The following VOPP1 variants were observed in gnomAD, a reference collection of about 807,000 sequenced individuals.
The protein encoded by VOPP1 is WW domain binding protein VOPP1.
Under a neutral mutation model 23.5 loss-of-function variants are expected in VOPP1, and 8 were observed. The observed-to-expected ratio is 0.34, with a 90% CI of 0.20 to 0.61. The LOEUF (loss-of-function observed/expected upper bound fraction) is 0.61, where lower values mean the gene tolerates loss of function less well. Ranked by LOEUF, VOPP1 falls within the 20% of genes least tolerant of loss-of-function variation. The pLI is 0.78. For synonymous variants in VOPP1, 83 were observed against 97.3 expected (o/e 0.85, Z 0.86); for missense variants, 174 against 238.1 (o/e 0.73, Z 1.77).
At chr7:55,505,166 T>C (rs2129030630) in intron 2 of VOPP1, among the ~76,000 whole-genome samples, 1 of 152,314 alleles carries the variant, frequency 6.6e-6, no homozygotes, top group South Asian at 2.1e-4. Flanking sequence ...GACCCAGGAC[T>C]GCTGAAGGCC....
intron 2 of VOPP1, 109 bp from the exon 3 acceptor site, chr7:55,497,799 G>C: frequency 1.1e-6 from 1 of 921,650 alleles, no homozygotes; most frequent in East Asian, 2.5e-5. Flanking sequence ...GAAGAAATCA[G>C]TAAGAGCAAA....
chr7:55,450,769 C>T (rs1791223815), intron 4 of VOPP1, among the ~76,000 whole-genome samples: 1 of 152,214 alleles, frequency 6.6e-6, no homozygotes, highest in African/African-American at 2.4e-5. Flanking sequence ...GAAGGATTGT[C>T]ATTGGTAAGG....
intron 4 of VOPP1, among the ~76,000 whole-genome samples, chr7:55,451,163 T>C (rs372604051): frequency 6.6e-5 from 10 of 152,112 alleles, no homozygotes; most frequent in Admixed American, 1.3e-4. Context: ...CACCACACCA[T>C]TTATAGGAGG....
intron 1 of VOPP1, among the ~76,000 whole-genome samples, chr7:55,562,521 GTCAATCTA>G (rs1444675017): frequency 6.6e-6 from 1 of 152,186 alleles, no homozygotes; most frequent in Non-Finnish European, 1.5e-5. Context: ...TGCAATAGGG[GTCAATCTA>G]TCACAACAGC....
intron 4 of VOPP1, among the ~76,000 whole-genome samples, chr7:55,481,205 G>C (rs996038020): frequency 1.8e-4 from 28 of 152,250 alleles, no homozygotes; most frequent in Non-Finnish European, 3.2e-4. Flanking sequence ...CAAGTCACAG[G>C]CCAGTGAGTG....
At chr7:55,485,614 G>T (rs1306007353) in intron 4 of VOPP1, among the ~76,000 whole-genome samples, 3 of 152,210 alleles carry the variant, frequency 2.0e-5, no homozygotes, top group Non-Finnish European at 4.4e-5. Flanking sequence ...TGCAGGCCGG[G>T]GACAGCTGCC....
Position 55,472,741 on chromosome 7 carries a change from A to G in VOPP1, c.*114T>C, listed in dbSNP as rs1791913957. 7.8e-6 allele frequency: 4 copies of G among 511,388 alleles called. No individual in the cohort carries two copies. Among genetic ancestry groups the G allele is most frequent in the Non-Finnish European group, 1.3e-5 (4 of 307,438 alleles). 31.7% of individuals were successfully genotyped at this position (511,388 alleles called of 1,614,324 possible). On this transcript the variant is annotated 3_prime_UTR_variant, in exon 5 of 5. Coordinates refer to ENST00000285279, the MANE Select transcript of VOPP1 (RefSeq NM_030796.5). ...GAGCTGTGCTTGCTGTGAGGATATCAGAGGAACTGCCCTTAGCAGCCCACG... is the reference window on the plus strand; with the variant it reads ...GAGCTGTGCTTGCTGTGAGGATATCGGAGGAACTGCCCTTAGCAGCCCACG...
At chr7:55,449,096 C>T (rs2129001112) in intron 4 of VOPP1, among the ~76,000 whole-genome samples, 1 of 152,320 alleles carries the variant, frequency 6.6e-6, no homozygotes, top group Admixed American at 6.5e-5. Context: ...CTGCTATGAG[C>T]ACGAACTATT....
At chr7:55,568,491 A>C (rs1044101434) in intron 1 of VOPP1, among the ~76,000 whole-genome samples, 1 of 152,212 alleles carries the variant, frequency 6.6e-6, no homozygotes, top group African/African-American at 2.4e-5. Flanking sequence ...AAGATCAGAA[A>C]GATAATGAGT....
At chr7:55,533,957 C>T (rs1448923896) in intron 1 of VOPP1, among the ~76,000 whole-genome samples, 1 of 152,126 alleles carries the variant, frequency 6.6e-6, no homozygotes, top group Non-Finnish European at 1.5e-5. Flanking sequence ...CCAAAAGCAA[C>T]AACTCTGCCT....
At chr7:55,510,142 T>A (rs1300416823) in intron 2 of VOPP1, among the ~76,000 whole-genome samples, 1 of 152,208 alleles carries the variant, frequency 6.6e-6, no homozygotes, top group Non-Finnish European at 1.5e-5. Flanking sequence ...CCAGACCAAC[T>A]CAAAATTACA....
chr7:55,522,069 C>A (rs1420297919), intron 1 of VOPP1, among the ~76,000 whole-genome samples: 1 of 152,200 alleles, frequency 6.6e-6, no homozygotes, highest in East Asian at 1.9e-4. Context: ...ACAAAGCTTT[C>A]TTTGGGTGAG....
At chr7:55,450,517 AAG>A (rs762042728) in intron 4 of VOPP1, among the ~76,000 whole-genome samples, 1 of 152,244 alleles carries the variant, frequency 6.6e-6, no homozygotes, top group Non-Finnish European at 1.5e-5. Context: ...ATATGGAAAA[AAG>A]TAACATTTCT....
intron 2 of VOPP1, among the ~76,000 whole-genome samples, chr7:55,514,736 A>G (rs1795293688): frequency 6.6e-6 from 1 of 152,184 alleles, no homozygotes; most frequent in Non-Finnish European, 1.5e-5. Flanking sequence ...CTCTCTGGAG[A>G]TGACACCGCA....
At chr7:55,526,813 G>C (rs1355072883) in intron 1 of VOPP1, 3 of 152,262 alleles carry the variant, frequency 2.0e-5, no homozygotes, top group South Asian at 2.1e-4. Context: ...CAGAAGTCCA[G>C]GGTTTGCTTC....
chr7:55,466,329 C>G (rs1309548648), downstream of VOPP1, among the ~76,000 whole-genome samples: 1 of 152,210 alleles, frequency 6.6e-6, no homozygotes, highest in Non-Finnish European at 1.5e-5. Flanking sequence ...GGTAGAAAGG[C>G]TGGCATAGTG....
intron 1 of VOPP1, among the ~76,000 whole-genome samples, chr7:55,565,064 A>G (rs1369042060): frequency 6.6e-6 from 1 of 152,212 alleles, no homozygotes; most frequent in African/African-American, 2.4e-5. Flanking sequence ...TTTGAAGTAT[A>G]TAGCTGTACT....
chr7:55,515,138 G>C (rs912956186), intron 2 of VOPP1, among the ~76,000 whole-genome samples: 1 of 152,196 alleles, frequency 6.6e-6, no homozygotes, highest in East Asian at 1.9e-4. Context: ...CTCAGGGGTG[G>C]TGGCTGTAAG....
At chr7:55,561,692 GTCT>G (rs1797991423) in intron 1 of VOPP1, among the ~76,000 whole-genome samples, 1 of 47,572 alleles carries the variant, frequency 2.1e-5, no homozygotes, top group Non-Finnish European at 4.0e-5. Flanking sequence ...GCAAAACTCT[GTCT>G]GGAAAAAAAA....
Sources: gnomAD v4.1 joint callset for allele counts (sites outside exome capture counted in the v4.1 genomes callset) on GRCh38, gnomAD v4.1.1 for gene constraint, MANE v1.5 for transcripts, NCBI Gene and HGNC (gene_info 2026-07-23, HGNC 2026-07-21) for gene names.